ARHGEF2: variants seen among roughly 807,000 people sequenced by gnomAD.
The protein encoded by ARHGEF2 is rho guanine nucleotide exchange factor 2.
In ARHGEF2, 22 loss-of-function variants were observed where a neutral mutation model predicts 121.0. The observed-to-expected ratio is 0.18, with a 90% CI of 0.13 to 0.26. The LOEUF is 0.26. Among genes scored for constraint, ARHGEF2 ranks in the 10% least tolerant of loss-of-function variants. The probability of loss-of-function intolerance (pLI) is 1.00; values close to 1 mark genes in which losing one functional copy is unlikely to be tolerated. For missense variants in ARHGEF2, 907 were observed against 1,336.0 expected (o/e 0.68, Z 5.01); for synonymous variants, 487 against 530.0 (o/e 0.92, Z 1.11).
intron 12 of ARHGEF2, 41 bp downstream of exon 12, chr1:155,958,279 C>T: frequency 1.2e-5 from 18 of 1,560,992 alleles, no homozygotes; most frequent in Non-Finnish European, 1.4e-5. Context: ...GAGACTAAAA[C>T]ACTTGTCTGT....
At chr1:155,975,814 G>T (rs1055758857) in intron 1 of ARHGEF2, among the ~76,000 whole-genome samples, 1 of 152,138 alleles carries the variant, frequency 6.6e-6, no homozygotes, top group Admixed American at 6.5e-5. Context: ...AGGACCCTTT[G>T]TTCTAAGGGA....
rs1376360701 is a variant in ARHGEF2, at chr1:155,965,424, G to A, written c.471-12C>T. 1 of 1,612,848 alleles carries A rather than the reference G, an allele frequency of 6.2e-7. No individual in the cohort carries two copies. The highest frequency in any genetic ancestry group is 8.5e-7 in the Non-Finnish European group (1 of 1,178,816). Reference sequence around the variant, plus strand: ...CATCATTGAAATGTCTGAAGAAAGTGGAGGCTGTCTGCATCACCCCCAGTC... The same window carrying A: ...CATCATTGAAATGTCTGAAGAAAGTAGAGGCTGTCTGCATCACCCCCAGTC... On this transcript the variant is annotated splice_polypyrimidine_tract_variant and intron_variant, in intron 5 of 21. Coordinates refer to ENST00000361247, the MANE Select transcript of ARHGEF2 (RefSeq NM_001162383.2). The surrounding 1 kb of genome is among the most constrained non-coding windows in gnomAD (Gnocchi z 6.0).
rs1044277682 is a variant in ARHGEF2 at position 155,959,291 on chromosome 1, T to C, written c.1469-895A>G. On this transcript the variant is annotated intron_variant, in intron 11 of 21. Coordinates refer to ENST00000361247, the MANE Select transcript of ARHGEF2 (RefSeq NM_001162383.2). ...TGAGACGGAGTCTCACTCTGTCGCC[T>C]AGGCTGGAGTGCAGTGGTGCCATCT... 4.6e-5 allele frequency among the ~76,000 whole-genome samples: 7 copies of C among 151,980 alleles called. No homozygotes were observed. The East Asian group carries it at 1.4e-3, about 30-fold the overall frequency.
intron 1 of ARHGEF2, chr1:155,969,966 A>G: frequency 3.0e-6 from 3 of 985,308 alleles, no homozygotes; most frequent in Non-Finnish European, 3.6e-6. Flanking sequence ...GTCCCCTACT[A>G]ACCTTGAGGC....
intron 15 of ARHGEF2, 103 bp downstream of exon 15, chr1:155,952,525 G>C: frequency 7.4e-7 from 1 of 1,346,492 alleles, no homozygotes; most frequent in Non-Finnish European, 1.0e-6. Context: ...TGGTTTATAG[G>C]GTTGGCATCC....
chr1:155,962,051 C>T lies in ARHGEF2; in HGVS notation c.1219+54G>A. 1.2e-6 allele frequency: 2 copies of T among 1,609,534 alleles called. No homozygotes were observed. The highest frequency in any genetic ancestry group is 1.7e-6 in the Non-Finnish European group (2 of 1,176,378). Reference sequence around the variant, plus strand: ...CTTCCTGTGGTCATACCGAGCCTTTCCTCACCCCAGGTGGCCGTCTCCCAG... The same window carrying T: ...CTTCCTGTGGTCATACCGAGCCTTTTCTCACCCCAGGTGGCCGTCTCCCAG... On this transcript the variant is annotated intron_variant, in intron 10 of 21. Transcript: ENST00000361247. The surrounding 1 kb of genome is among the most constrained non-coding windows in gnomAD (Gnocchi z 5.8).
At chr1:155,974,119 C>T (rs751067011) in intron 1 of ARHGEF2, among the ~76,000 whole-genome samples, 6 of 152,110 alleles carry the variant, frequency 3.9e-5, no homozygotes, top group Non-Finnish European at 8.8e-5. Flanking sequence ...TTCCTGAGCT[C>T]ATGCGATCCA....
chr1:155,954,790 G>A (rs1330768205), intron 14 of ARHGEF2, 112 bp downstream of exon 14: 1 of 960,330 alleles, frequency 1.0e-6, no homozygotes, highest in African/African-American at 1.7e-5. Context: ...TGTTTCAGTT[G>A]TGGATCTACA....
Position 155,965,208 on chromosome 1 carries a change from T to A in ARHGEF2, c.581-77A>T. ...GTCCCTGGCCCTTCTCTAGATCCCT[T>A]CCCTCCTTGTCCTTCCAGGCTACTC... On this transcript the variant is annotated intron_variant, in intron 6 of 21. Coordinates refer to ENST00000361247, the MANE Select transcript of ARHGEF2 (RefSeq NM_001162383.2). The surrounding 1 kb of genome is among the most constrained non-coding windows in gnomAD (Gnocchi z 6.0). 6.2e-7 allele frequency: 1 copy of A among 1,607,022 alleles called. No homozygotes were observed. The highest frequency in any genetic ancestry group is 8.5e-7 in the Non-Finnish European group (1 of 1,174,688).
At chr1:155,964,618 G>A (rs989474483) in intron 7 of ARHGEF2, among the ~76,000 whole-genome samples, 1 of 152,004 alleles carries the variant, frequency 6.6e-6, no homozygotes, top group Non-Finnish European at 1.5e-5. Context: ...AGAGGTAGGG[G>A]CTGGTAGAAA....
Position 155,952,765 on chromosome 1 carries a change from G to A in ARHGEF2, c.1847C>T (p.Ala616Val). 6.2e-7 allele frequency: 1 copy of A among 1,614,186 alleles called. No homozygotes were observed. Among genetic ancestry groups the A allele is most frequent in the Non-Finnish European group, 8.5e-7 (1 of 1,180,022 alleles). Residue 616 changes from alanine to valine, a missense_variant, in exon 15 of 22, where the codon GCT becomes GTT. Transcript: ENST00000361247. ...ELLREKVGLF[A>V]EMTHFQAEED... is the part of the protein sequence containing the mutation. ...TTCGGCCTGGAAATGGGTCATCTCAGCAAACAGCCCGACCTTCTCTCGCAG... is the reference window on the plus strand; with the variant it reads ...TTCGGCCTGGAAATGGGTCATCTCAACAAACAGCCCGACCTTCTCTCGCAG...
intron 1 of ARHGEF2, among the ~76,000 whole-genome samples, chr1:155,974,084 CTA>C (rs2102692389): frequency 6.6e-6 from 1 of 152,096 alleles, no homozygotes; most frequent in South Asian, 2.1e-4. Context: ...TGAGGTCTCA[CTA>C]TGTTGCCCAG....
chr1:155,976,650 C>G (rs1681344600), intron 1 of ARHGEF2, among the ~76,000 whole-genome samples: 1 of 142,848 alleles, frequency 7.0e-6, no homozygotes. Context: ...CTTCCCCCAA[C>G]CAGCTCCCCC....
chr1:155,979,028 T>C (rs191662335), upstream of ARHGEF2: 312 of 985,614 alleles, frequency 3.2e-4, no homozygotes, highest in African/African-American at 3.6e-3. Context: ...CTGAGCAGAC[T>C]GACCCCTTTT....
At chr1:155,973,751 A>C (rs1680856710) in intron 1 of ARHGEF2, among the ~76,000 whole-genome samples, 1 of 152,018 alleles carries the variant, frequency 6.6e-6, no homozygotes, top group African/African-American at 2.4e-5. Flanking sequence ...GTCTCAAAAA[A>C]AAAAAAAGAA....
chr1:155,963,566 G>A (rs996320345), intron 7 of ARHGEF2, among the ~76,000 whole-genome samples: 3 of 151,304 alleles, frequency 2.0e-5, no homozygotes, highest in East Asian at 2.0e-4. Context: ...GGCTGGTCTC[G>A]AAATCCTGAC....
rs1558043382 is a variant in ARHGEF2, at chr1:155,969,190, CTT to C, written c.172_173del (p.Lys58GlufsTer22). On this transcript the variant is annotated frameshift_variant, in exon 2 of 22. Coordinates refer to ENST00000361247, the MANE Select transcript of ARHGEF2 (RefSeq NM_001162383.2). LOFTEE classifies it high-confidence loss of function. ...SGMTMCYACN[K>X]SITAKEALIC... ...TGAGGGCTTCCTTGGCTGTGATGCT[CTT>C]GTTACAGGCATAGCACATGGTCATG... 6.2e-7 allele frequency: 1 copy of C among 1,614,228 alleles called. No individual in the cohort carries two copies.
At chr1:155,967,963 C>A (rs553753170) in intron 2 of ARHGEF2, among the ~76,000 whole-genome samples, 161 of 151,682 alleles carry the variant, frequency 1.1e-3, no homozygotes, top group African/African-American at 3.6e-3. Context: ...GCTGCCCCCA[C>A]CCCCCTGGAG....
intron 1 of ARHGEF2, chr1:155,977,977 C>G (rs1022380409): frequency 4.2e-5 from 27 of 644,220 alleles, no homozygotes; most frequent in Non-Finnish European, 5.3e-5. Context: ...AAGCCCAAGC[C>G]GGTGGGGCCC....
Sources: gnomAD v4.1 joint callset for allele counts (sites outside exome capture counted in the v4.1 genomes callset) on GRCh38, gnomAD v4.1.1 for gene constraint, Gnocchi (gnomAD v3.1) non-coding constraint, MANE v1.5 for transcripts, NCBI Gene and HGNC (gene_info 2026-07-23, HGNC 2026-07-21) for gene names.